Variants in LRMDA observed in about 807,000 individuals in gnomAD.
LRMDA encodes leucine-rich melanocyte differentiation-associated protein.
LRMDA carries 18 observed loss-of-function variants against 29.8 expected under a neutral mutation model. That is an observed-to-expected ratio of 0.60 (90% CI 0.42 to 0.90). The LOEUF (loss-of-function observed/expected upper bound fraction) is 0.90, where lower values mean the gene tolerates loss of function less well. Ranked by LOEUF, LRMDA falls within the 40% of genes least tolerant of loss-of-function variation. The probability of loss-of-function intolerance (pLI) is 0.00; values close to 1 mark genes in which losing one functional copy is unlikely to be tolerated. For missense variants in LRMDA, 273 were observed against 273.9 expected, an observed-to-expected ratio of 1.00 and a Z score of 0.02; for synonymous variants, 125 against 109.4, an observed-to-expected ratio of 1.14 and a Z score of -0.89.
chr10:76,265,176 C>G (rs1408779687), intron 5 of LRMDA, among the ~76,000 whole-genome samples: 1 of 152,166 alleles, frequency 6.6e-6, no homozygotes, highest in African/African-American at 2.4e-5. Flanking sequence ...AATTGTTGAT[C>G]CGGTCCGTTT....
chr10:75,810,563 CT>C (rs1426094725), intron 2 of LRMDA, among the ~76,000 whole-genome samples: 3 of 152,232 alleles, frequency 2.0e-5, no homozygotes, highest in African/African-American at 7.2e-5. Context: ...CATTCTGCCA[CT>C]TTTGATCTGC....
intron 6 of LRMDA, among the ~76,000 whole-genome samples, chr10:76,472,666 C>A (rs571292823): frequency 1.3e-5 from 2 of 151,478 alleles, no homozygotes; most frequent in Admixed American, 6.6e-5. Flanking sequence ...ACCAAGAAGA[C>A]TCAAATGATT....
At chr10:75,765,958 C>T (rs990243099) in intron 2 of LRMDA, among the ~76,000 whole-genome samples, 1 of 152,102 alleles carries the variant, frequency 6.6e-6, no homozygotes, top group Non-Finnish European at 1.5e-5. Context: ...ACAGGAGGAG[C>T]GCTCAGAATC....
At chr10:75,857,799 G>A (rs12778915) in intron 2 of LRMDA, among the ~76,000 whole-genome samples, 94,565 of 152,028 alleles carry the variant, frequency 0.62, 30,372 homozygotes, top group South Asian at 0.77. Context: ...TAAAATGACC[G>A]CATGAAGCAA....
At chr10:75,497,291 A>G (rs1207404426) in intron 2 of LRMDA, among the ~76,000 whole-genome samples, 1 of 152,112 alleles carries the variant, frequency 6.6e-6, no homozygotes, top group Non-Finnish European at 1.5e-5. Flanking sequence ...GGACACATGG[A>G]TATGCCCACT....
At chr10:75,872,765 A>G (rs1295084956) in intron 2 of LRMDA, among the ~76,000 whole-genome samples, 1 of 152,198 alleles carries the variant, frequency 6.6e-6, no homozygotes, top group African/African-American at 2.4e-5. Flanking sequence ...CTTAAATGCC[A>G]TCTTTTTCAT....
intron 2 of LRMDA, among the ~76,000 whole-genome samples, chr10:76,000,100 T>C (rs1004165495): frequency 6.6e-6 from 1 of 151,988 alleles, no homozygotes; most frequent in Non-Finnish European, 1.5e-5. Context: ...CTCTTGAAGA[T>C]AATTTTTTTT....
At chr10:76,022,056 G>T (rs1051415443) in intron 2 of LRMDA, among the ~76,000 whole-genome samples, 1 of 152,214 alleles carries the variant, frequency 6.6e-6, no homozygotes, top group African/African-American at 2.4e-5. Flanking sequence ...TCAAAGAAAA[G>T]TGGAGGTGAG....
At chr10:76,337,203 C>T (rs1840980174) in intron 6 of LRMDA, among the ~76,000 whole-genome samples, 1 of 152,084 alleles carries the variant, frequency 6.6e-6, no homozygotes, top group African/African-American at 2.4e-5. Context: ...ATGTGTCAAG[C>T]CCTGTTCAAA....
intron 2 of LRMDA, among the ~76,000 whole-genome samples, chr10:75,565,475 T>G (rs1311026249): frequency 4.6e-5 from 7 of 152,224 alleles, no homozygotes; most frequent in African/African-American, 9.6e-5. Flanking sequence ...GTTGCTTAAC[T>G]TATTCTTTTT....
At chr10:76,136,420 A>G (rs931189518) in intron 5 of LRMDA, among the ~76,000 whole-genome samples, 1 of 152,188 alleles carries the variant, frequency 6.6e-6, no homozygotes, top group African/African-American at 2.4e-5. Context: ...TGGAAACTTT[A>G]TATTATAAGT....
chr10:76,227,924 T>C (rs1318640476), intron 5 of LRMDA, among the ~76,000 whole-genome samples: 1 of 152,132 alleles, frequency 6.6e-6, no homozygotes, highest in Non-Finnish European at 1.5e-5. Flanking sequence ...TAAGAAAATG[T>C]GTGCAGAATT....
At chr10:75,964,668 C>G (rs1170977121) in intron 2 of LRMDA, among the ~76,000 whole-genome samples, 2 of 152,222 alleles carry the variant, frequency 1.3e-5, no homozygotes, top group Non-Finnish European at 2.9e-5. Context: ...TCTCAGTAAA[C>G]TCTCATGTAT....
chr10:76,107,721 G>A (rs1849510054), intron 5 of LRMDA, among the ~76,000 whole-genome samples: 2 of 152,114 alleles, frequency 1.3e-5, no homozygotes, highest in Admixed American at 1.3e-4. Context: ...TGGCTCCTCT[G>A]ACCCTGTCCT....
chr10:75,781,891 C>A (rs1438500306), intron 2 of LRMDA, among the ~76,000 whole-genome samples: 1 of 152,120 alleles, frequency 6.6e-6, no homozygotes, highest in Non-Finnish European at 1.5e-5. Flanking sequence ...GGATTCACAC[C>A]CAGGTTTTCT....
At chr10:75,449,485 G>C (rs61859938) in intron 2 of LRMDA, among the ~76,000 whole-genome samples, 55 of 151,126 alleles carry the variant, frequency 3.6e-4, no homozygotes, top group Non-Finnish European at 6.5e-4. Flanking sequence ...CTACTGCCAA[G>C]CCTGTATTTA....
chr10:75,667,333 C>T (rs1468925085), intron 2 of LRMDA, among the ~76,000 whole-genome samples: 1 of 151,980 alleles, frequency 6.6e-6, no homozygotes, highest in Non-Finnish European at 1.5e-5. Context: ...TGGGACAGGC[C>T]TCACTTTGTT....
intron 2 of LRMDA, among the ~76,000 whole-genome samples, chr10:75,457,501 G>A (rs142233167): frequency 1.3e-5 from 2 of 151,148 alleles, no homozygotes; most frequent in African/African-American, 4.9e-5. Flanking sequence ...AGGAGTTGCG[G>A]GGGAGACAAC....
At chr10:76,325,861 TA>T (rs1293917325) in intron 6 of LRMDA, among the ~76,000 whole-genome samples, 1 of 152,128 alleles carries the variant, frequency 6.6e-6, no homozygotes, top group Admixed American at 6.6e-5. Flanking sequence ...AACAGTAATA[TA>T]AAAAATCTGA....
Sources: gnomAD v4.1 joint callset for allele counts (sites outside exome capture counted in the v4.1 genomes callset) on GRCh38, gnomAD v4.1.1 for gene constraint, MANE v1.5 for transcripts, NCBI Gene and HGNC (gene_info 2026-07-23, HGNC 2026-07-21) for gene names.